NUDT3: variants seen among roughly 807,000 people sequenced by gnomAD.
NUDT3 encodes nudix hydrolase 3.
NUDT3 carries 9 observed loss-of-function variants against 23.6 expected under a neutral mutation model. The ratio of observed to expected loss-of-function variants is 0.38; its 90% CI spans 0.23 to 0.66. The LOEUF is 0.66. Ranked by LOEUF, NUDT3 falls within the 30% of genes least tolerant of loss-of-function variation. The probability of loss-of-function intolerance (pLI) is 0.52; values close to 1 mark genes in which losing one functional copy is unlikely to be tolerated. For synonymous variants in NUDT3, 86 were observed against 82.6 expected (o/e 1.04, Z -0.22); for missense variants, 172 against 218.5 (o/e 0.79, Z 1.34).
intron 2 of NUDT3, among the ~76,000 whole-genome samples, chr6:34,299,900 CA>C (rs527665276): frequency 0.12 from 16,103 of 133,206 alleles, 934 homozygotes; most frequent in Non-Finnish European, 0.13. Flanking sequence ...GAGACTGTCT[CA>C]AAAAAAAAAA....
rs1032370571 is a variant in NUDT3 at position 34,287,304 on chromosome 6, T to G, written c.*1449A>C. ...TGGAGTACAGAGATAATCTCCTGTC[T>G]TAAGCCACGGATCAGTCAGTGTAGC... On this transcript the variant is annotated 3_prime_UTR_variant, in exon 5 of 5. Transcript: ENST00000607016. The G allele has an allele frequency of 6.6e-6, 1 of 152,186 alleles. No individual in the cohort carries two copies. The highest frequency in any genetic ancestry group is 1.5e-5 in the Non-Finnish European group (1 of 68,044). 9.4% of individuals were successfully genotyped at this position (152,186 alleles called of 1,614,324 possible).
chr6:34,307,214 C>T (rs1421006449), intron 2 of NUDT3, among the ~76,000 whole-genome samples: 1 of 151,696 alleles, frequency 6.6e-6, no homozygotes, highest in Non-Finnish European at 1.5e-5. Context: ...TCAAGACCAG[C>T]GTGGGCAACA....
intron 2 of NUDT3, among the ~76,000 whole-genome samples, chr6:34,337,990 C>T (rs1325392382): frequency 6.6e-6 from 1 of 152,210 alleles, no homozygotes; most frequent in Non-Finnish European, 1.5e-5. Context: ...TTTAGGCCCA[C>T]CAACTGGCCC....
chr6:34,369,998 C>T (rs1332514364), intron 1 of NUDT3, among the ~76,000 whole-genome samples: 1 of 152,176 alleles, frequency 6.6e-6, no homozygotes, highest in African/African-American at 2.4e-5. Flanking sequence ...TTTAAAGTTA[C>T]ATTTGAATAA....
intron 2 of NUDT3, among the ~76,000 whole-genome samples, chr6:34,324,905 G>A (rs1461689314): frequency 6.6e-6 from 1 of 152,186 alleles, no homozygotes; most frequent in Non-Finnish European, 1.5e-5. Flanking sequence ...TGGGGCCAGT[G>A]TTGAATTACA....
intron 2 of NUDT3, among the ~76,000 whole-genome samples, chr6:34,313,980 C>T (rs1763819664): frequency 1.3e-5 from 2 of 151,822 alleles, no homozygotes. Context: ...GCCTGTAATC[C>T]CAGCTACTCG....
At position 34,284,081 on chromosome 6, in the gene NUDT3, T is replaced by C. The variant is rs1299175037; in HGVS notation, c.*4672A>G. 1.3e-5 allele frequency: 2 copies of C among 152,184 alleles called. No individual in the cohort carries two copies. The highest frequency in any genetic ancestry group is 2.9e-5 in the Non-Finnish European group (2 of 68,062). 9.4% of individuals were successfully genotyped at this position (152,184 alleles called of 1,614,324 possible). ...TGTAGCCTTGAGGAGATAGGCTCTA[T>C]CCAACAGGACTCAGAATAAATGACT... On this transcript the variant is annotated 3_prime_UTR_variant, in exon 5 of 5. Coordinates refer to ENST00000607016, the MANE Select transcript of NUDT3 (RefSeq NM_006703.4).
intron 2 of NUDT3, among the ~76,000 whole-genome samples, chr6:34,334,739 C>T (rs1164342735): frequency 2.0e-5 from 3 of 152,020 alleles, no homozygotes; most frequent in East Asian, 1.9e-4. Context: ...AGGAGACCCT[C>T]GGCAACATAG....
At chr6:34,296,599 G>A (rs1400925117) in intron 2 of NUDT3, among the ~76,000 whole-genome samples, 2 of 151,868 alleles carry the variant, frequency 1.3e-5, no homozygotes, top group Non-Finnish European at 2.9e-5. Context: ...ATACATACAC[G>A]CATACATACA....
chr6:34,382,054 C>A (rs1247686934), intron 1 of NUDT3, among the ~76,000 whole-genome samples: 1 of 117,198 alleles, frequency 8.5e-6, no homozygotes, highest in Non-Finnish European at 1.6e-5. Flanking sequence ...GCCTGAGCGA[C>A]AGAGCGAGAC....
At chr6:34,318,102 T>C (rs142089146) in intron 2 of NUDT3, among the ~76,000 whole-genome samples, 1 of 152,314 alleles carries the variant, frequency 6.6e-6, no homozygotes, top group Non-Finnish European at 1.5e-5. Flanking sequence ...TTTGCTTTCA[T>C]TTCCTTGTAC....
At chr6:34,389,380 G>A (rs1765159060) in intron 1 of NUDT3, among the ~76,000 whole-genome samples, 1 of 152,162 alleles carries the variant, frequency 6.6e-6, no homozygotes. Context: ...GTTTCCTGAG[G>A]CTTCCCCAGC....
In NUDT3 at chr6:34,361,222, T is replaced by C. The variant is rs143691759; in HGVS notation, c.100-19250A>G. On this transcript the variant is annotated intron_variant, in intron 1 of 4. Transcript: ENST00000607016. ...GGGTGACAGAGTGAGACCCTGTCTC[T>C]AAAAAATAATTTTTAAAAGAACATA... Among the ~76,000 whole-genome samples the C allele has an allele frequency of 7.4e-3, 1,128 of 152,212 alleles. 14 individuals carry two copies. Among genetic ancestry groups the C allele is most frequent in the Middle Eastern group, 0.024 (7 of 294 alleles).
At chr6:34,290,390 T>C (rs1763401909) in intron 4 of NUDT3, among the ~76,000 whole-genome samples, 1 of 146,922 alleles carries the variant, frequency 6.8e-6, no homozygotes, top group Non-Finnish European at 1.5e-5. Context: ...GTGCCACACC[T>C]GCTGCTGCTT....
At chr6:34,289,156 T>A (rs1166728143) in intron 4 of NUDT3, among the ~76,000 whole-genome samples, 1 of 152,216 alleles carries the variant, frequency 6.6e-6, no homozygotes. Context: ...GTGTAAAACC[T>A]GCCCTCCAGA....
Position 34,383,386 on chromosome 6 carries a change from T to C in NUDT3, c.99+8878A>G, listed in dbSNP as rs187958670. On this transcript the variant is annotated intron_variant, in intron 1 of 4. Transcript: ENST00000607016. ...CTATTTAAGGGATCATTTCATTTTA[T>C]GGTGTTTTCTTTTTGGAGCCAGGGT... Among the ~76,000 whole-genome samples, 222 of 152,292 alleles carry C rather than the reference T, an allele frequency of 1.5e-3. 1 individual carries two copies. The highest frequency in any genetic ancestry group is 6.8e-3 in the Middle Eastern group (2 of 294).
intron 1 of NUDT3, among the ~76,000 whole-genome samples, chr6:34,378,419 G>C (rs2113765603): frequency 6.6e-6 from 1 of 152,348 alleles, no homozygotes. Context: ...CACTGGATTA[G>C]TTGAGGAGGC....
At chr6:34,360,001 A>G (rs1457868464) in intron 1 of NUDT3, among the ~76,000 whole-genome samples, 2 of 152,090 alleles carry the variant, frequency 1.3e-5, no homozygotes, top group African/African-American at 4.8e-5. Context: ...GGCTGAAGTG[A>G]GCAGATTGCT....
chr6:34,310,393 G>A (rs1047774736), intron 2 of NUDT3, among the ~76,000 whole-genome samples: 14 of 152,056 alleles, frequency 9.2e-5, no homozygotes, highest in African/African-American at 2.9e-4. Flanking sequence ...AGCCGGGCGC[G>A]GTGGTACATG....
Sources: gnomAD v4.1 joint callset for allele counts (sites outside exome capture counted in the v4.1 genomes callset) on GRCh38, gnomAD v4.1.1 for gene constraint, MANE v1.5 for transcripts, NCBI Gene and HGNC (gene_info 2026-07-23, HGNC 2026-07-21) for gene names.